The following SCAF11 variants were observed in gnomAD, a reference collection of about 807,000 sequenced individuals.
SCAF11 encodes protein SCAF11.
In SCAF11, 47 loss-of-function variants were observed where a neutral mutation model predicts 140.5. That is an observed-to-expected ratio of 0.33 (90% CI 0.26 to 0.43). The LOEUF (loss-of-function observed/expected upper bound fraction) is 0.43, where lower values mean the gene tolerates loss of function less well. Ranked by LOEUF, SCAF11 falls within the 20% of genes least tolerant of loss-of-function variation. The pLI, the probability that SCAF11 is intolerant of heterozygous loss-of-function variation, is 1.00. For missense variants in SCAF11, 1,645 were observed against 1,705.1 expected (o/e 0.96, Z 0.62); for synonymous variants, 557 against 579.4 (o/e 0.96, Z 0.55).
Position 45,928,757 on chromosome 12 carries a change from G to A in SCAF11, c.944C>T (p.Ala315Val), listed in dbSNP as rs762116331. 1.9e-5 allele frequency: 30 copies of A among 1,613,446 alleles called. No homozygotes were observed. The highest frequency in any genetic ancestry group is 2.4e-5 in the Non-Finnish European group (28 of 1,179,884). Residue 315 changes from alanine to valine, a missense_variant, in exon 11 of 15, where the codon GCA becomes GTA. Coordinates refer to ENST00000369367, the MANE Select transcript of SCAF11 (RefSeq NM_004719.3). ...SNTRGSRRKP[A>V]MTTPTRRSTR... is the part of the protein sequence containing the mutation. The stretch of plus-strand genomic sequence containing the variant: ...AGACCTCCTTGTAGGAGTTGTCATT[G>A]CAGGTTTTCGTCTTGATCCTCTGGT...
At chr12:45,965,416 G>C (rs1945922309) in intron 1 of SCAF11, among the ~76,000 whole-genome samples, 1 of 152,150 alleles carries the variant, frequency 6.6e-6, no homozygotes, top group Non-Finnish European at 1.5e-5. Flanking sequence ...GTAAAAATGA[G>C]AAAAGTGGGA....
At chr12:45,970,915 A>G (rs1029998372) in intron 1 of SCAF11, among the ~76,000 whole-genome samples, 7 of 152,224 alleles carry the variant, frequency 4.6e-5, no homozygotes, top group Non-Finnish European at 1.0e-4. Flanking sequence ...ATAATCCATA[A>G]TGATGCATGT....
chr12:45,973,082 A>C (rs1431861746), intron 1 of SCAF11, among the ~76,000 whole-genome samples: 1 of 149,282 alleles, frequency 6.7e-6, no homozygotes, highest in East Asian at 1.9e-4. Flanking sequence ...TTTTGAAACA[A>C]ATGGAAAGCC....
In SCAF11 at chr12:45,980,523, T is replaced by C. The variant is rs543471739; in HGVS notation, c.-22+9830A>G. Among the ~76,000 whole-genome samples, 12 of 152,296 alleles carry C rather than the reference T, an allele frequency of 7.9e-5. No individual in the cohort carries two copies. In the South Asian group the frequency reaches 2.3e-3, roughly 29 times the overall value. On this transcript the variant is annotated intron_variant, in intron 1 of 14. Transcript: ENST00000369367. ...ACCCCCATTTTATTGTGGAAACACC[T>C]AGCAAGTGATGGAGCTGGGACTGAA... is the stretch of plus-strand genomic sequence containing the variant.
chr12:45,940,120 A>C (rs1945263036), intron 6 of SCAF11, among the ~76,000 whole-genome samples: 1 of 152,246 alleles, frequency 6.6e-6, no homozygotes, highest in South Asian at 2.1e-4. Flanking sequence ...ACTGTCTAAG[A>C]AACCTCATAA....
At chr12:45,922,814 T>C in intron 13 of SCAF11, 122 bp downstream of exon 13, 2 of 936,394 alleles carry the variant, frequency 2.1e-6, no homozygotes, top group East Asian at 2.4e-5. Flanking sequence ...ATCCTTCAAA[T>C]AATAATGGCA....
At chr12:45,990,213 C>G in intron 1 of SCAF11, 140 bp downstream of exon 1, 1 of 1,166,124 alleles carries the variant, frequency 8.6e-7, no homozygotes, top group East Asian at 3.2e-5. Flanking sequence ...CGACGTCGCA[C>G]GGGCCGCGCG....
intron 1 of SCAF11, among the ~76,000 whole-genome samples, chr12:45,982,462 T>C (rs1482348946): frequency 2.0e-5 from 3 of 152,240 alleles, no homozygotes; most frequent in South Asian, 2.1e-4. Context: ...ATCCCAGCAA[T>C]TCAGGAGGCC....
chr12:45,922,928 G>A lies in SCAF11; in HGVS notation c.4125+8C>T. The A allele has an allele frequency of 6.2e-7, 1 of 1,612,740 alleles. No individual in the cohort carries two copies. Among genetic ancestry groups the A allele is most frequent in the Non-Finnish European group, 8.5e-7 (1 of 1,178,770 alleles). ...AATTATGAAGGTTGCTCTCAACCTT[G>A]AACTTGCCTTGTCTGTCTTCGAGCT... On this transcript the variant is annotated splice_region_variant and intron_variant, in intron 13 of 14. Transcript: ENST00000369367.
chr12:45,961,251 C>G, intron 3 of SCAF11: 1 of 701,770 alleles, frequency 1.4e-6, no homozygotes, highest in Non-Finnish European at 2.6e-6. Flanking sequence ...TGGAAGGACA[C>G]TATCGTATCT....
intron 7 of SCAF11, 61 bp downstream of exon 7, chr12:45,934,386 G>T: frequency 1.0e-5 from 14 of 1,380,738 alleles, no homozygotes; most frequent in Non-Finnish European, 1.4e-5. Context: ...GGTTATTTAT[G>T]GACTAAATAA....
intron 1 of SCAF11, among the ~76,000 whole-genome samples, chr12:45,981,745 T>C (rs1283245715): frequency 1.3e-5 from 2 of 152,088 alleles, no homozygotes; most frequent in Non-Finnish European, 2.9e-5. Context: ...CAGGGAACTA[T>C]GGCCATCCCA....
chr12:45,924,853 C>A lies in SCAF11; in HGVS notation c.3781G>T (p.Val1261Leu). The A allele has an allele frequency of 6.2e-7, 1 of 1,614,032 alleles. No homozygotes were observed. The highest frequency in any genetic ancestry group is 8.5e-7 in the Non-Finnish European group (1 of 1,180,010). Residue 1261 changes from valine (V) to leucine (L), a missense_variant, in exon 12 of 15, where the codon GTG (valine) becomes TTG (leucine). Transcript: ENST00000369367. The part of the protein sequence containing the change: ...PQLPLHLHTG[V>L]PLMQVATPTS... ...GGAGTGGCTACCTGCATGAGGGGCA[C>A]TCCTGTGTGGAGATGCAAGGGTAGC...
intron 1 of SCAF11, 23 bp downstream of exon 1, chr12:45,990,330 C>G: frequency 2.4e-6 from 3 of 1,231,892 alleles, no homozygotes; most frequent in Non-Finnish European, 3.0e-6. Flanking sequence ...GCCCATCCAC[C>G]CCGCGGGTCG....
Position 45,928,693 on chromosome 12 carries a change from C to T in SCAF11, c.1008G>A (p.Gln336=), listed in dbSNP as rs895898984. 4 of 1,613,924 alleles carry T rather than the reference C, an allele frequency of 2.5e-6. No individual in the cohort carries two copies. In the African/African-American group the frequency reaches 5.3e-5, roughly 22 times the overall value. The change falls in exon 11 of 15, where the codon CAG becomes CAA. Residue 336 remains glutamine, a synonymous_variant. Transcript: ENST00000369367. ...CAGAATTGTCTGATATTGGGGATCT[C>T]TGAGACTGACTGGCTGTTTCAGCTC... ...NTRAETASQS[Q]RSPISDNSGC...
In SCAF11 at chr12:45,934,200, G is replaced by A; in HGVS notation, c.608C>T (p.Ser203Phe). 1 of 1,599,368 alleles carries A rather than the reference G, an allele frequency of 6.3e-7. No homozygotes were observed. Among genetic ancestry groups the A allele is most frequent in the Non-Finnish European group, 8.6e-7 (1 of 1,167,938 alleles). The change falls in exon 8 of 15, where the codon TCT becomes TTT. Residue 203 changes from serine (S) to phenylalanine (F), a missense_variant. By Grantham distance (155) the Ser-to-Phe change is radical (BLOSUM62 -2). This residue lies in a region of SCAF11 where 1,582 missense variants were observed against 1,609.2 expected (regional missense o/e 0.98). Transcript: ENST00000369367. Reference sequence around the variant, plus strand: ...CCAATAAGCTCTATAGGTAAAGGAAGATTCTCCAGAGTGGCTAACAGAAGA... The same window carrying A: ...CCAATAAGCTCTATAGGTAAAGGAAAATTCTCCAGAGTGGCTAACAGAAGA... The part of the protein sequence containing the change: ...MFSSVSHSGE[S>F]SFTYRAYCTE...
intron 3 of SCAF11, among the ~76,000 whole-genome samples, chr12:45,959,843 C>T (rs988630655): frequency 2.6e-5 from 4 of 152,108 alleles, no homozygotes; most frequent in African/African-American, 7.2e-5. Flanking sequence ...TCAGGGACAA[C>T]GAAATAATTC....
intron 6 of SCAF11, among the ~76,000 whole-genome samples, chr12:45,940,865 T>C (rs890082536): frequency 6.6e-6 from 1 of 152,188 alleles, no homozygotes; most frequent in Admixed American, 6.5e-5. Flanking sequence ...TGCAGTGGCA[T>C]GATCATGACT....
Position 45,925,039 on chromosome 12 carries a change from C to G in SCAF11, c.3595G>C (p.Asp1199His). The change falls in exon 12 of 15, where the codon GAT (aspartate) becomes CAT (histidine). Residue 1199 changes from aspartate (D) to histidine (H), a missense_variant. Physicochemically the swap from Asp to His is moderately conservative, Grantham distance 81 (BLOSUM62 -1). This residue lies in a region of SCAF11 where 1,582 missense variants were observed against 1,609.2 expected (regional missense o/e 0.98). Coordinates refer to ENST00000369367, the MANE Select transcript of SCAF11 (RefSeq NM_004719.3). ...SLKDQTNQQV[D>H]GSQLPINMMQ... ...ATATTTATAGGTAGCTGAGAACCAT[C>G]AACTTGCTGGTTTGTTTGGTCTTTT... The G allele has an allele frequency of 6.2e-7, 1 of 1,613,366 alleles. No individual in the cohort carries two copies. Among genetic ancestry groups the G allele is most frequent in the South Asian group, 1.1e-5 (1 of 91,072 alleles).
Sources: allele counts gnomAD v4.1 joint callset (sites outside exome capture counted in the v4.1 genomes callset), GRCh38; gene constraint gnomAD v4.1.1; regional missense constraint gnomAD v4.1.1; transcripts MANE v1.5; gene names NCBI Gene and HGNC (gene_info 2026-07-23, HGNC 2026-07-21).